The following SBF2 variants were observed in gnomAD, a reference collection of about 807,000 sequenced individuals.
SBF2 encodes myotubularin-related protein 13.
Under a neutral mutation model 225.2 loss-of-function variants are expected in SBF2, and 112 were observed. The observed-to-expected ratio is 0.50, with a 90% CI of 0.43 to 0.58. The LOEUF is 0.58. Among genes scored for constraint, SBF2 ranks in the 20% least tolerant of loss-of-function variants. The pLI, the probability that SBF2 is intolerant of heterozygous loss-of-function variation, is 0.00. For synonymous variants in SBF2, 763 were observed against 773.3 expected, an observed-to-expected ratio of 0.99 and a Z score of 0.22; for missense variants, 1,996 against 2,206.2, an observed-to-expected ratio of 0.90 and a Z score of 1.91.
At chr11:9,965,438 G>A (rs547702053) in intron 14 of SBF2, among the ~76,000 whole-genome samples, 48 of 151,656 alleles carry the variant, frequency 3.2e-4, no homozygotes, top group Non-Finnish European at 5.4e-4. Context: ...ACAGGCATGC[G>A]CCACCACACC....
intron 1 of SBF2, among the ~76,000 whole-genome samples, chr11:10,221,209 C>A (rs938344145): frequency 6.6e-6 from 1 of 151,800 alleles, no homozygotes; most frequent in Non-Finnish European, 1.5e-5. Flanking sequence ...CCTCTGTCTC[C>A]CGGGTTCAAG....
At chr11:10,070,463 G>A (rs1950818866) in intron 2 of SBF2, among the ~76,000 whole-genome samples, 1 of 152,160 alleles carries the variant, frequency 6.6e-6, no homozygotes, top group Non-Finnish European at 1.5e-5. Context: ...CAGATCAGAT[G>A]GTTGTAGGTG....
chr11:10,068,627 T>C (rs1224758615), intron 2 of SBF2, among the ~76,000 whole-genome samples: 1 of 152,190 alleles, frequency 6.6e-6, no homozygotes, highest in African/African-American at 2.4e-5. Flanking sequence ...AAAACTATTT[T>C]ATGCACCTAA....
At chr11:10,014,115 G>A (rs1948555378) in intron 6 of SBF2, among the ~76,000 whole-genome samples, 1 of 152,208 alleles carries the variant, frequency 6.6e-6, no homozygotes, top group South Asian at 2.1e-4. Flanking sequence ...TTTCTCCTAA[G>A]AGTCCTGGTT....
Position 10,012,703 on chromosome 11 carries a change from A to C in SBF2, c.620-10014T>G, listed in dbSNP as rs142276293. Among the ~76,000 whole-genome samples the C allele has an allele frequency of 7.8e-4, 118 of 152,222 alleles. No individual in the cohort carries two copies. In the East Asian group the frequency reaches 0.02, roughly 26 times the overall value. On this transcript the variant is annotated intron_variant, in intron 6 of 39. Transcript: ENST00000256190. ...GTATGGGTTACACTTCACTGTTTGA[A>C]TGCCTCTTGCTTTTTGGTAAAAATT...
chr11:9,812,619 C>G lies in SBF2; in HGVS notation c.4068G>C (p.Leu1356=), dbSNP rs1429589073. 7.4e-6 allele frequency: 12 copies of G among 1,614,188 alleles called. No homozygotes were observed. Among genetic ancestry groups the G allele is most frequent in the Non-Finnish European group, 9.3e-6 (11 of 1,180,028 alleles). Residue 1356 remains leucine, a synonymous_variant, in exon 30 of 40, where the codon CTG becomes CTC. Coordinates refer to ENST00000256190, the MANE Select transcript of SBF2 (RefSeq NM_030962.4). ...IRQVKASFKK[L]MRACIPSTIP... is the part of the protein sequence containing the mutation. ...TGGTGCTTGGGATACAAGCCCTCAT[C>G]AGCTTCTTAAAACTGGCTTTCACTT...
intron 2 of SBF2, among the ~76,000 whole-genome samples, chr11:10,193,473 G>C (rs1172144885): frequency 6.7e-6 from 1 of 150,024 alleles, no homozygotes; most frequent in Non-Finnish European, 1.5e-5. Flanking sequence ...TCCTGCCTCA[G>C]CCTCCTGAGT....
At chr11:10,080,248 CAAA>C (rs34181436) in intron 2 of SBF2, among the ~76,000 whole-genome samples, 8 of 82,220 alleles carry the variant, frequency 9.7e-5, no homozygotes, top group African/African-American at 1.5e-4. Flanking sequence ...AACTCTGTCT[CAAA>C]AAAAAAAAAA....
intron 2 of SBF2, among the ~76,000 whole-genome samples, chr11:10,160,723 T>C (rs1955692119): frequency 6.6e-6 from 1 of 152,182 alleles, no homozygotes. Flanking sequence ...AAGCCCTTCA[T>C]TATGTGGTTC....
intron 17 of SBF2, among the ~76,000 whole-genome samples, chr11:9,878,223 T>C (rs1312115053): frequency 1.3e-5 from 2 of 152,226 alleles, no homozygotes; most frequent in Non-Finnish European, 2.9e-5. Flanking sequence ...TCATATCCTT[T>C]GCCCACTTTT....
Position 10,102,958 on chromosome 11 carries a change from T to G in SBF2, c.142-59977A>C, listed in dbSNP as rs571630139. The stretch of plus-strand genomic sequence containing the variant: ...ATAAAAACATAAAATTTTTCTCTTT[T>G]GAAAAAGATTTTTATGTAATATTGA... On this transcript the variant is annotated intron_variant, in intron 2 of 39. Transcript: ENST00000256190. 2.3e-4 allele frequency among the ~76,000 whole-genome samples: 35 copies of G among 152,308 alleles called. 1 individual carries two copies. The South Asian group carries it at 7.0e-3, about 31-fold the overall frequency.
chr11:10,194,807 G>T (rs1315449987), intron 1 of SBF2, among the ~76,000 whole-genome samples: 1 of 152,086 alleles, frequency 6.6e-6, no homozygotes, highest in Non-Finnish European at 1.5e-5. Flanking sequence ...CACTGCACCT[G>T]GCCATTATTC....
intron 17 of SBF2, among the ~76,000 whole-genome samples, chr11:9,871,818 C>T (rs1180266512): frequency 6.6e-6 from 1 of 151,988 alleles, no homozygotes; most frequent in African/African-American, 2.4e-5. Context: ...AGTAAAAAAA[C>T]AACAGATGTT....
At chr11:9,952,644 T>G (rs1865924992) in intron 16 of SBF2, among the ~76,000 whole-genome samples, 3 of 152,192 alleles carry the variant, frequency 2.0e-5, no homozygotes, top group Admixed American at 2.0e-4. Flanking sequence ...GTGGCTTACT[T>G]TTGTTTTAAT....
At chr11:9,967,947 G>GTCTGTCTGTCTC (rs57976016) in intron 14 of SBF2, among the ~76,000 whole-genome samples, 19 of 100,250 alleles carry the variant, frequency 1.9e-4, no homozygotes, top group African/African-American at 5.7e-4. Context: ...CTGTCTGTCT[G>GTCTGTCTGTCTC]TCTCTCTCTC....
intron 2 of SBF2, among the ~76,000 whole-genome samples, chr11:10,068,741 T>C (rs1565193640): frequency 6.6e-6 from 1 of 152,160 alleles, no homozygotes; most frequent in African/African-American, 2.4e-5. Context: ...CCGTCACCCC[T>C]TTCAAAATAA....
At chr11:10,156,732 A>G (rs1248462380) in intron 2 of SBF2, among the ~76,000 whole-genome samples, 1 of 152,198 alleles carries the variant, frequency 6.6e-6, no homozygotes, top group African/African-American at 2.4e-5. Context: ...GAGCGCTACA[A>G]GAAGAACTAC....
intron 25 of SBF2, 108 bp downstream of exon 25, chr11:9,842,517 T>C: frequency 8.8e-7 from 1 of 1,135,398 alleles, no homozygotes; most frequent in Non-Finnish European, 1.3e-6. Context: ...CATCTTCTCA[T>C]GAGATCTAGG....
intron 2 of SBF2, among the ~76,000 whole-genome samples, chr11:10,130,229 G>A (rs2135092244): frequency 6.6e-6 from 1 of 152,014 alleles, no homozygotes; most frequent in Non-Finnish European, 1.5e-5. Context: ...GGGTGTGGTG[G>A]CGGGCACCTG....
Sources: allele counts gnomAD v4.1 joint callset (sites outside exome capture counted in the v4.1 genomes callset), GRCh38; gene constraint gnomAD v4.1.1; transcripts MANE v1.5; gene names NCBI Gene and HGNC (gene_info 2026-07-23, HGNC 2026-07-21).